ENTPD7: variants seen among roughly 807,000 people sequenced by gnomAD.
The protein encoded by ENTPD7 is ectonucleoside triphosphate diphosphohydrolase 7.
In ENTPD7, 53 loss-of-function variants were observed where a neutral mutation model predicts 77.9. The ratio of observed to expected loss-of-function variants is 0.68; its 90% CI spans 0.55 to 0.85. ENTPD7 has a LOEUF of 0.85. ENTPD7 is among the 40% of genes least tolerant of loss of function. The pLI is 0.00. For synonymous variants in ENTPD7, 248 were observed against 274.9 expected (o/e 0.90, Z 0.97); for missense variants, 636 against 743.7 (o/e 0.86, Z 1.68).
chr10:99,709,484 A>G lies in ENTPD7; in HGVS notation c.*4801A>G. The G allele has an allele frequency of 1.0e-6, 1 of 985,440 alleles. No individual in the cohort carries two copies. Among genetic ancestry groups the G allele is most frequent in the South Asian group, 4.7e-5 (1 of 21,288 alleles). The allele number at this position is 985,440 out of a possible 1,614,324, so 61.0% of individuals were successfully genotyped here. On this transcript the variant is annotated 3_prime_UTR_variant, in exon 13 of 13. Coordinates refer to ENST00000370489, the MANE Select transcript of ENTPD7 (RefSeq NM_020354.5). ...GTGTTACAAAAAATATTGCTGTTAA[A>G]AAACTAAGACTCAAAACCAAAAGTT...
rs1334139792 is a variant in ENTPD7, at chr10:99,707,096, T to G, written c.*2413T>G. On this transcript the variant is annotated 3_prime_UTR_variant, in exon 13 of 13. Coordinates refer to ENST00000370489, the MANE Select transcript of ENTPD7 (RefSeq NM_020354.5). The stretch of plus-strand genomic sequence containing the variant: ...ATTGCTATTACTGTTCTTTTTATAG[T>G]TGAGAATCTCAGGATACCTACATTT... 2.6e-5 allele frequency among the ~76,000 whole-genome samples: 4 copies of G among 152,234 alleles called. No homozygotes were observed. Among genetic ancestry groups the G allele is most frequent in the Admixed American group, 1.3e-4 (2 of 15,284 alleles).
Position 99,702,513 on chromosome 10 carries a change from T to C in ENTPD7, c.1423T>C (p.Tyr475His), listed in dbSNP as rs779129729. 2 of 1,562,672 alleles carry C rather than the reference T, an allele frequency of 1.3e-6. No homozygotes were observed. Among genetic ancestry groups the C allele is most frequent in the Non-Finnish European group, 1.7e-6 (2 of 1,157,196 alleles). The change falls in exon 12 of 13, where the codon TAT becomes CAT. Residue 475 changes from tyrosine (Y) to histidine (H), a missense_variant and splice_region_variant. Physicochemically the swap from Tyr to His is moderately conservative, Grantham distance 83. Transcript: ENST00000370489. The stretch of plus-strand genomic sequence containing the variant: ...AATTTAATTATTTTTGTCACACAGA[T>C]ATCAGTGTTTTAAATCGGCTTGGAT... ...SSHADEHRLKYQCFKSAWMYQ... is the reference protein window; with the variant it reads ...SSHADEHRLKHQCFKSAWMYQ...
intron 3 of ENTPD7, among the ~76,000 whole-genome samples, chr10:99,665,502 GTCAT>G (rs777359347): frequency 7.2e-5 from 11 of 151,972 alleles, no homozygotes; most frequent in African/African-American, 2.7e-4. Flanking sequence ...ATTCACTTTG[GTCAT>G]TCATTCATTC....
At chr10:99,683,144 T>C (rs1196465308) in intron 5 of ENTPD7, among the ~76,000 whole-genome samples, 1 of 152,196 alleles carries the variant, frequency 6.6e-6, no homozygotes, top group Non-Finnish European at 1.5e-5. Flanking sequence ...ACTTGTTTTC[T>C]GGTCACCTCT....
At chr10:99,704,097 A>G (rs2036198791) in intron 12 of ENTPD7, among the ~76,000 whole-genome samples, 1 of 152,200 alleles carries the variant, frequency 6.6e-6, no homozygotes, top group South Asian at 2.1e-4. Context: ...GGGATACCCT[A>G]TTCTCATTAG....
At position 99,709,309 on chromosome 10, in the gene ENTPD7, C is replaced by T. The variant is rs2036313317; in HGVS notation, c.*4626C>T. On this transcript the variant is annotated 3_prime_UTR_variant, in exon 13 of 13. Transcript: ENST00000370489. The stretch of plus-strand genomic sequence containing the variant: ...TAATTCAAAACTAGTATCTAATTGT[C>T]CTTTTTGCTGTGGTATGTGGTGTAA... 4 of 985,184 alleles carry T rather than the reference C, an allele frequency of 4.1e-6. No individual in the cohort carries two copies. In the South Asian group the frequency reaches 1.9e-4, roughly 46 times the overall value. 61.0% of individuals were successfully genotyped at this position (985,184 alleles called of 1,614,324 possible).
chr10:99,702,323 A>G (rs1259630050), intron 11 of ENTPD7, among the ~76,000 whole-genome samples, 189 bp from the exon 12 acceptor site: 1 of 152,218 alleles, frequency 6.6e-6, no homozygotes, highest in African/African-American at 2.4e-5. Flanking sequence ...CCACAGTATC[A>G]TTATTGCCTT....
chr10:99,672,999 C>T (rs774062155), intron 3 of ENTPD7, among the ~76,000 whole-genome samples: 2 of 152,194 alleles, frequency 1.3e-5, no homozygotes, highest in African/African-American at 4.8e-5. Flanking sequence ...AGTGAAAAGC[C>T]ATTGTCTTCC....
intron 3 of ENTPD7, among the ~76,000 whole-genome samples, chr10:99,675,874 G>T (rs2035675663): frequency 6.6e-6 from 1 of 152,054 alleles, no homozygotes; most frequent in Non-Finnish European, 1.5e-5. Context: ...GCGATTACAG[G>T]CATGAGCCAC....
Position 99,693,020 on chromosome 10 carries a change from G to A in ENTPD7, c.843+1502G>A, listed in dbSNP as rs2035909790. On this transcript the variant is annotated intron_variant, in intron 8 of 12. Transcript: ENST00000370489. The stretch of plus-strand genomic sequence containing the variant: ...AAGTAAGTGGAAATGAAAGGGAGGG[G>A]ACAGATTTCAGGGGATAGTTTGGAG... Among the ~76,000 whole-genome samples, 3 of 152,120 alleles carry A rather than the reference G, an allele frequency of 2.0e-5. No individual in the cohort carries two copies. In the South Asian group the frequency reaches 6.2e-4, roughly 32 times the overall value.
At position 99,695,976 on chromosome 10, in the gene ENTPD7, G is replaced by C. The variant is rs1036978236; in HGVS notation, c.864G>C (p.Leu288=). Residue 288 remains leucine, a synonymous_variant, in exon 9 of 13, where the codon CTG becomes CTC. Transcript: ENST00000370489. ...PAKQEEAAKI[L]LAEFNLGCDV... ...TATAGGAAGAAGCTGCCAAGATCCT[G>C]CTGGCTGAGTTCAACCTGGGCTGTG... is the stretch of plus-strand genomic sequence containing the variant. 6.2e-7 allele frequency: 1 copy of C among 1,613,398 alleles called. No individual in the cohort carries two copies. Among genetic ancestry groups the C allele is most frequent in the Non-Finnish European group, 8.5e-7 (1 of 1,179,788 alleles).
chr10:99,709,766 C>T lies in ENTPD7; in HGVS notation c.*5083C>T, dbSNP rs1296184859. 2.0e-6 allele frequency: 2 copies of T among 985,294 alleles called. No homozygotes were observed. Among genetic ancestry groups the T allele is most frequent in the Non-Finnish European group, 2.4e-6 (2 of 829,830 alleles). The allele number at this position is 985,294 out of a possible 1,614,324, so 61.0% of individuals were successfully genotyped here. The stretch of plus-strand genomic sequence containing the variant: ...CTTATCTTCCTTATATCCTAATAGA[C>T]TTCTCTTGTGTTATTACACATTTCT... On this transcript the variant is annotated 3_prime_UTR_variant, in exon 13 of 13. Coordinates refer to ENST00000370489, the MANE Select transcript of ENTPD7 (RefSeq NM_020354.5).
chr10:99,687,153 G>C (rs1439642709), intron 6 of ENTPD7, among the ~76,000 whole-genome samples: 1 of 150,940 alleles, frequency 6.6e-6, no homozygotes, highest in African/African-American at 2.4e-5. Flanking sequence ...CTGACCTCGT[G>C]ATCCGCCTGC....
At chr10:99,688,793 A>T (rs2035844765) in intron 7 of ENTPD7, 43 bp downstream of exon 7, 1 of 1,595,890 alleles carries the variant, frequency 6.3e-7, no homozygotes, top group Non-Finnish European at 8.6e-7. Flanking sequence ...CTAAGGGCTG[A>T]AGATTTAAGT....
intron 5 of ENTPD7, 131 bp from the exon 6 acceptor site, chr10:99,685,661 C>G (rs1330862634): frequency 4.9e-6 from 3 of 617,774 alleles, no homozygotes; most frequent in Non-Finnish European, 8.6e-6. Context: ...CAAAAAGAAG[C>G]AGGGCTGGAC....
intron 9 of ENTPD7, among the ~76,000 whole-genome samples, chr10:99,696,544 A>G (rs1590055002): frequency 1.3e-5 from 2 of 152,226 alleles, no homozygotes; most frequent in South Asian, 4.1e-4. Flanking sequence ...TAGTATGTCT[A>G]AAAGATAAAA....
intron 6 of ENTPD7, among the ~76,000 whole-genome samples, chr10:99,687,259 CTTTTTTTTTTT>C (rs71009768): frequency 3.4e-5 from 1 of 29,522 alleles, no homozygotes; most frequent in Non-Finnish European, 5.6e-5. Flanking sequence ...TTCTTTCTTT[CTTTTTTTTTTT>C]TTTTTTTTTT....
chr10:99,669,488 T>G (rs1447647872), intron 3 of ENTPD7, among the ~76,000 whole-genome samples: 1 of 152,118 alleles, frequency 6.6e-6, no homozygotes, highest in Non-Finnish European at 1.5e-5. Flanking sequence ...TCCATATTGC[T>G]TCTGGAAAGA....
intron 9 of ENTPD7, among the ~76,000 whole-genome samples, chr10:99,696,329 T>G (rs1277929324): frequency 6.6e-6 from 1 of 152,200 alleles, no homozygotes; most frequent in African/African-American, 2.4e-5. Context: ...TTATTAGGAC[T>G]CATAAAGTAC....
Sources: allele counts gnomAD v4.1 joint callset (sites outside exome capture counted in the v4.1 genomes callset), GRCh38; gene constraint gnomAD v4.1.1; transcripts MANE v1.5; gene names NCBI Gene and HGNC (gene_info 2026-07-23, HGNC 2026-07-21).